The following TENM3 variants were observed in gnomAD, a reference collection of about 807,000 sequenced individuals.
The protein encoded by TENM3 is teneurin-3.
In TENM3, 63 loss-of-function variants were observed where a neutral mutation model predicts 255.1. That is an observed-to-expected ratio of 0.25 (90% confidence interval 0.20 to 0.30). The LOEUF (loss-of-function observed/expected upper bound fraction) is 0.30, where lower values mean the gene tolerates loss of function less well. Ranked by LOEUF, TENM3 falls within the 10% of genes least tolerant of loss-of-function variation. The pLI is 1.00. For synonymous variants in TENM3, 1,306 were observed against 1,322.3 expected, an observed-to-expected ratio of 0.99 and a Z score of 0.27; for missense variants, 2,929 against 3,461.1, an observed-to-expected ratio of 0.85 and a Z score of 3.86.
the TENM3 span, among the ~76,000 whole-genome samples, chr4:181,717,908 G>A: frequency 0.27 from 41,187 of 152,074 alleles, 5,647 homozygotes; most frequent in Middle Eastern, 0.34. Context: ...GGGATAACAT[G>A]TGAATAGTGC....
At chr4:181,816,991 G>A in the TENM3 span, among the ~76,000 whole-genome samples, 42 of 152,166 alleles carry the variant, frequency 2.8e-4, no homozygotes, top group Non-Finnish European at 5.0e-4. Flanking sequence ...GCTGCAAAAG[G>A]TTAAGCATCT....
chr4:181,804,270 A>G, the TENM3 span, among the ~76,000 whole-genome samples: 1 of 151,312 alleles, frequency 6.6e-6, no homozygotes, highest in Non-Finnish European at 1.5e-5. Context: ...TTGACAAATA[A>G]TACAAAATTT....
intron 1 of TENM3, among the ~76,000 whole-genome samples, chr4:182,206,728 G>A (rs1163921815): frequency 1.3e-5 from 2 of 152,086 alleles, no homozygotes; most frequent in Non-Finnish European, 2.9e-5. Flanking sequence ...CAGAGTTTTT[G>A]TCCCTTCCCA....
At chr4:182,078,585 A>G in the TENM3 span, among the ~76,000 whole-genome samples, 3 of 152,156 alleles carry the variant, frequency 2.0e-5, no homozygotes, top group Non-Finnish European at 2.9e-5. Flanking sequence ...GGCCACATAA[A>G]GATTTTAACG....
At chr4:181,484,840 A>G in the TENM3 span, among the ~76,000 whole-genome samples, 1 of 152,162 alleles carries the variant, frequency 6.6e-6, no homozygotes, top group East Asian at 1.9e-4. Context: ...AATTTTATGT[A>G]AGGCCGGGCT....
chr4:181,767,266 A>AG, the TENM3 span, among the ~76,000 whole-genome samples: 2 of 150,740 alleles, frequency 1.3e-5, no homozygotes, highest in Non-Finnish European at 3.0e-5. Flanking sequence ...AAAAAAAAAA[A>AG]AAAAAGAAAG....
rs200218885 is a variant in TENM3 at position 182,683,426 on chromosome 4, A to G, written c.2035+1412A>G. On this transcript the variant is annotated intron_variant, in intron 11 of 27. Transcript: ENST00000511685. ...AAGGAAATGCTCATTGCAGCATTTCAGATTTTGTATTTTCAGATTAGGGAT... is the reference window on the plus strand; with the variant it reads ...AAGGAAATGCTCATTGCAGCATTTCGGATTTTGTATTTTCAGATTAGGGAT... Among the ~76,000 whole-genome samples, 5 of 152,220 alleles carry G rather than the reference A, an allele frequency of 3.3e-5. No homozygotes were observed. The East Asian group carries it at 9.6e-4, about 29-fold the overall frequency.
At chr4:181,808,140 T>G in the TENM3 span, among the ~76,000 whole-genome samples, 1 of 152,198 alleles carries the variant, frequency 6.6e-6, no homozygotes. Context: ...TTGAGAGGTT[T>G]CCAGATAACC....
chr4:182,051,772 G>C, the TENM3 span, among the ~76,000 whole-genome samples: 1 of 152,176 alleles, frequency 6.6e-6, no homozygotes, highest in East Asian at 1.9e-4. Context: ...TTATAGCAAG[G>C]TTGCCCTGTA....
the TENM3 span, among the ~76,000 whole-genome samples, chr4:181,637,899 G>A: frequency 6.6e-6 from 1 of 152,136 alleles, no homozygotes; most frequent in South Asian, 2.1e-4. Context: ...ATGAGTAAAT[G>A]GGTAGATGGA....
intron 1 of TENM3, among the ~76,000 whole-genome samples, chr4:182,184,757 C>T (rs1291422648): frequency 6.6e-6 from 1 of 151,696 alleles, no homozygotes; most frequent in Admixed American, 6.6e-5. Flanking sequence ...TTTTTTCTTT[C>T]TTGAGCTAAA....
the TENM3 span, among the ~76,000 whole-genome samples, chr4:181,981,819 T>C: frequency 6.6e-6 from 1 of 152,206 alleles, no homozygotes; most frequent in East Asian, 1.9e-4. Flanking sequence ...ATTATTATAA[T>C]GACGGTTACT....
At chr4:181,735,836 T>G in the TENM3 span, among the ~76,000 whole-genome samples, 1 of 152,162 alleles carries the variant, frequency 6.6e-6, no homozygotes, top group East Asian at 1.9e-4. Flanking sequence ...TAAAAATGTC[T>G]CTGATAACAA....
chr4:182,000,106 A>G, the TENM3 span, among the ~76,000 whole-genome samples: 1 of 152,086 alleles, frequency 6.6e-6, no homozygotes, highest in East Asian at 1.9e-4. Flanking sequence ...CGTCATATCA[A>G]CTGGTTTTAT....
At chr4:182,395,848 A>G (rs954644888) in intron 3 of TENM3, among the ~76,000 whole-genome samples, 4 of 152,208 alleles carry the variant, frequency 2.6e-5, no homozygotes, top group Non-Finnish European at 5.9e-5. Context: ...GCTAAAATCC[A>G]GAAGTTCTTC....
At chr4:182,711,949 A>G (rs928613203) in intron 12 of TENM3, among the ~76,000 whole-genome samples, 1 of 152,088 alleles carries the variant, frequency 6.6e-6, no homozygotes, top group Non-Finnish European at 1.5e-5. Context: ...AATGAGCTTT[A>G]AATTCTAAGC....
At chr4:182,175,238 T>C (rs2149710707) in intron 1 of TENM3, among the ~76,000 whole-genome samples, 1 of 151,204 alleles carries the variant, frequency 6.6e-6, no homozygotes, top group East Asian at 1.9e-4. Flanking sequence ...GAATGAGTGA[T>C]ACTGAACACT....
the TENM3 span, among the ~76,000 whole-genome samples, chr4:182,065,719 G>A: frequency 2.0e-5 from 3 of 152,152 alleles, no homozygotes; most frequent in East Asian, 5.8e-4. Context: ...TTCCTTCCAT[G>A]GGTTTCTCCC....
the TENM3 span, among the ~76,000 whole-genome samples, chr4:181,971,972 G>C: frequency 1.3e-5 from 2 of 151,690 alleles, no homozygotes; most frequent in Non-Finnish European, 2.9e-5. Context: ...TACCATATTG[G>C]TATATGACTT....
Sources: allele counts gnomAD v4.1 joint callset (sites outside exome capture counted in the v4.1 genomes callset), GRCh38; gene constraint gnomAD v4.1.1; transcripts MANE v1.5; gene names NCBI Gene and HGNC (gene_info 2026-07-23, HGNC 2026-07-21).